The following TIAM2 variants were observed in gnomAD, a reference collection of about 807,000 sequenced individuals.
TIAM2 encodes TIAM Rac1 associated GEF 2.
A neutral mutation model predicts 152.9 loss-of-function variants in TIAM2; 80 were observed. The observed-to-expected ratio is 0.52, with a 90% confidence interval of 0.44 to 0.63. The LOEUF (loss-of-function observed/expected upper bound fraction) is 0.63, where lower values mean the gene tolerates loss of function less well. TIAM2 is among the 30% of genes least tolerant of loss of function. TIAM2 has a pLI of 0.00. For synonymous variants in TIAM2, 804 were observed against 838.0 expected, an observed-to-expected ratio of 0.96 and a Z score of 0.70; for missense variants, 1,965 against 2,120.1, an observed-to-expected ratio of 0.93 and a Z score of 1.44.
Position 155,156,270 on chromosome 6 carries a change from C to T in TIAM2, c.2028+7936C>T, listed in dbSNP as rs1583218815. ...ACAGGGGAAGTAGGACTGTCTGTCA[C>T]TCTCTCCTCCCGGTACCACTGCAGA... On this transcript the variant is annotated intron_variant, in intron 7 of 26. Coordinates refer to ENST00000682666, the MANE Select transcript of TIAM2 (RefSeq NM_012454.4). This position sits in a 1 kb window ranked among gnomAD's most constrained non-coding sequence, Gnocchi z 4.4. Among the ~76,000 whole-genome samples, 1 of 152,132 alleles carries T rather than the reference C, an allele frequency of 6.6e-6. No homozygotes were observed. The highest frequency in any genetic ancestry group is 2.4e-5 in the African/African-American group (1 of 41,432).
chr6:155,225,360 T>C (rs1040167395), intron 15 of TIAM2, among the ~76,000 whole-genome samples: 8 of 152,324 alleles, frequency 5.3e-5, no homozygotes, highest in African/African-American at 1.9e-4. Flanking sequence ...GTGCTCTGCC[T>C]TCCTCTCATT....
intron 4 of TIAM2, among the ~76,000 whole-genome samples, chr6:155,133,141 G>T (rs1321547548): frequency 6.6e-6 from 1 of 152,168 alleles, no homozygotes; most frequent in African/African-American, 2.4e-5. Flanking sequence ...GATCACTGGA[G>T]GTCAGGAGTT....
chr6:155,257,585 G>GTA lies in TIAM2; in HGVS notation c.*464_*465insTA, dbSNP rs1784147594. 1 of 460,400 alleles carries GTA rather than the reference G, an allele frequency of 2.2e-6. No homozygotes were observed. The highest frequency in any genetic ancestry group is 4.1e-5 in the East Asian group (1 of 24,352). The allele number at this position is 460,400 out of a possible 1,614,324, so 28.5% of individuals were successfully genotyped here. ...GCAGATACTTCATTTTTGTAAGATA[G>GTA]ATTGTAATAGATGCTGTTTATACTA... On this transcript the variant is annotated 3_prime_UTR_variant, in exon 27 of 27. Coordinates refer to ENST00000682666, the MANE Select transcript of TIAM2 (RefSeq NM_012454.4).
At chr6:155,148,783 G>A (rs923142) in intron 7 of TIAM2, among the ~76,000 whole-genome samples, 75,941 of 151,962 alleles carry the variant, frequency 0.5, 19,044 homozygotes, top group Middle Eastern at 0.56. Flanking sequence ...AATTTTTCTG[G>A]TTATAACAGA....
chr6:155,151,791 A>G (rs925362771), intron 7 of TIAM2, among the ~76,000 whole-genome samples: 29 of 152,096 alleles, frequency 1.9e-4, no homozygotes, highest in Admixed American at 6.5e-5. Flanking sequence ...TGGAAAATGT[A>G]TAACAGGGTA....
Position 155,156,476 on chromosome 6 carries a change from G to A in TIAM2, c.2029-7939G>A, listed in dbSNP as rs1407017754. Among the ~76,000 whole-genome samples, 1 of 152,020 alleles carries A rather than the reference G, an allele frequency of 6.6e-6. No homozygotes were observed. Among genetic ancestry groups the A allele is most frequent in the African/African-American group, 2.4e-5 (1 of 41,384 alleles). On this transcript the variant is annotated intron_variant, in intron 7 of 26. Coordinates refer to ENST00000682666, the MANE Select transcript of TIAM2 (RefSeq NM_012454.4). The surrounding 1 kb of genome is among the most constrained non-coding windows in gnomAD (Gnocchi z 4.4). The stretch of plus-strand genomic sequence containing the variant: ...TCAAGACTAGCCTGGCCAATGTGGT[G>A]AAACCCCGTCTCTACTAAAAATACA...
intron 2 of TIAM2, among the ~76,000 whole-genome samples, chr6:155,093,106 C>A (rs1201904227): frequency 1.3e-5 from 2 of 152,160 alleles, no homozygotes; most frequent in Non-Finnish European, 2.9e-5. Context: ...TGGTATCAGA[C>A]AGACCTGGTT....
chr6:155,020,825 A>G (rs1776463918), intron 1 of TIAM2, among the ~76,000 whole-genome samples: 2 of 152,250 alleles, frequency 1.3e-5, no homozygotes, highest in South Asian at 2.1e-4. Context: ...CCTCACCACT[A>G]TCCATCTCCA....
chr6:155,028,376 CTG>C (rs1394500560), intron 1 of TIAM2, among the ~76,000 whole-genome samples: 4 of 118,898 alleles, frequency 3.4e-5, no homozygotes, highest in Admixed American at 8.7e-5. Flanking sequence ...AATATATATA[CTG>C]TGTTACATAT....
intron 2 of TIAM2, among the ~76,000 whole-genome samples, chr6:155,103,306 C>T (rs1778588952): frequency 6.6e-6 from 1 of 152,100 alleles, no homozygotes; most frequent in Non-Finnish European, 1.5e-5. Context: ...TCAGACAATG[C>T]AAAACCATCG....
chr6:155,153,538 T>C (rs1780025055), intron 7 of TIAM2, among the ~76,000 whole-genome samples: 3 of 152,090 alleles, frequency 2.0e-5, no homozygotes, highest in Non-Finnish European at 2.9e-5. Context: ...CTGAAGGGCT[T>C]TGTAGTGTGT....
At chr6:155,148,862 C>T (rs902851064) in intron 7 of TIAM2, among the ~76,000 whole-genome samples, 5 of 152,168 alleles carry the variant, frequency 3.3e-5, no homozygotes, top group Admixed American at 2.0e-4. Context: ...TGGCTGCTTC[C>T]TATGGCATTT....
At chr6:155,026,426 G>A (rs1385520502) in intron 1 of TIAM2, among the ~76,000 whole-genome samples, 1 of 152,094 alleles carries the variant, frequency 6.6e-6, no homozygotes, top group African/African-American at 2.4e-5. Flanking sequence ...TTTCCCTCCT[G>A]GTGGGGGTAG....
intron 4 of TIAM2, 108 bp downstream of exon 4, chr6:155,130,525 C>G (rs1779423347): frequency 1.9e-6 from 2 of 1,033,760 alleles, no homozygotes; most frequent in South Asian, 3.5e-5. Flanking sequence ...CTTAAGTGAT[C>G]TGGCAAAAGT....
At chr6:154,999,459 G>A (rs960844298) in intron 1 of TIAM2, among the ~76,000 whole-genome samples, 7 of 151,976 alleles carry the variant, frequency 4.6e-5, no homozygotes, top group South Asian at 2.1e-4. Flanking sequence ...CACCTGCCTC[G>A]GACTCCCAAA....
chr6:155,187,573 C>CCCTTTTTTTTTTTTTTTTTTT (rs1189509294), intron 14 of TIAM2, among the ~76,000 whole-genome samples: 1 of 49,614 alleles, frequency 2.0e-5, no homozygotes, highest in African/African-American at 7.9e-5. Flanking sequence ...ACCCCGCCCC[C>CCCTTTTTTTTTTTTTTTTTTT]TTTTTTTTTT....
At chr6:155,010,107 A>G (rs1778462190) in intron 1 of TIAM2, among the ~76,000 whole-genome samples, 1 of 152,126 alleles carries the variant, frequency 6.6e-6, no homozygotes, top group Non-Finnish European at 1.5e-5. Flanking sequence ...AAGTCCTAGC[A>G]CTACAGGCGT....
chr6:155,161,421 A>G (rs17811567), intron 7 of TIAM2, among the ~76,000 whole-genome samples: 16,286 of 151,942 alleles, frequency 0.11, 1,024 homozygotes, highest in Middle Eastern at 0.17. Flanking sequence ...ACCTCTCAGT[A>G]CTGCTTTGAT....
intron 10 of TIAM2, among the ~76,000 whole-genome samples, chr6:155,177,876 A>G (rs188711191): frequency 6.6e-6 from 1 of 152,332 alleles, no homozygotes; most frequent in Non-Finnish European, 1.5e-5. Context: ...AATAAAGGGT[A>G]TCAGAAGTAG....
Sources: gnomAD v4.1 joint callset for allele counts (sites outside exome capture counted in the v4.1 genomes callset) on GRCh38, gnomAD v4.1.1 for gene constraint, Gnocchi (gnomAD v3.1) non-coding constraint, MANE v1.5 for transcripts, NCBI Gene and HGNC (gene_info 2026-07-23, HGNC 2026-07-21) for gene names.